Variants in DBF4B observed in about 807,000 individuals in gnomAD.
DBF4B encodes the protein protein DBF4 homolog B.
DBF4B carries 49 observed loss-of-function variants against 53.4 expected under a neutral mutation model. The observed-to-expected ratio is 0.92, with a 90% CI of 0.73 to 1.16. DBF4B has a LOEUF of 1.16. DBF4B is among the 50% of genes most tolerant of loss of function. The pLI is 0.00. For missense variants in DBF4B, 692 were observed against 775.0 expected, an observed-to-expected ratio of 0.89 and a Z score of 1.27; for synonymous variants, 257 against 288.7, an observed-to-expected ratio of 0.89 and a Z score of 1.11.
At chr17:44,734,746 C>T (rs373345399) in intron 7 of DBF4B, among the ~76,000 whole-genome samples, 6 of 152,204 alleles carry the variant, frequency 3.9e-5, no homozygotes, top group Non-Finnish European at 5.9e-5. Context: ...AGGCACAGGA[C>T]GAACAGTAAT....
chr17:44,740,857 C>A (rs754691527), intron 9 of DBF4B, among the ~76,000 whole-genome samples: 1 of 152,066 alleles, frequency 6.6e-6, no homozygotes, highest in Non-Finnish European at 1.5e-5. Context: ...AGGGAGGGGC[C>A]GGGCGTGGTG....
chr17:44,708,900 G>A, intron 1 of DBF4B, 61 bp downstream of exon 1: 1 of 1,544,176 alleles, frequency 6.5e-7, no homozygotes, highest in Non-Finnish European at 8.7e-7. Context: ...CTGAGGCGAG[G>A]TGCGGAGTCG....
At chr17:44,725,116 C>CAAAA (rs57821218) in intron 3 of DBF4B, among the ~76,000 whole-genome samples, 19 of 47,562 alleles carry the variant, frequency 4.0e-4, no homozygotes, top group East Asian at 4.0e-3. Flanking sequence ...GACTCCATCT[C>CAAAA]AAAAAAAAAA....
chr17:44,738,352 CTGAT>C, intron 8 of DBF4B, 23 bp from the exon 9 acceptor site: 1 of 1,610,588 alleles, frequency 6.2e-7, no homozygotes, highest in Non-Finnish European at 8.5e-7. Context: ...AGACAGATAG[CTGAT>C]GTGTGCATTC....
At chr17:44,724,163 C>T (rs143761088) in intron 3 of DBF4B, among the ~76,000 whole-genome samples, 1 of 152,006 alleles carries the variant, frequency 6.6e-6, no homozygotes, top group Non-Finnish European at 1.5e-5. Flanking sequence ...TTTGGGAGGC[C>T]GAGCCAGGTG....
At chr17:44,748,922 T>C (rs1293974549) in intron 13 of DBF4B, 1 of 1,289,818 alleles carries the variant, frequency 7.8e-7, no homozygotes, top group Admixed American at 2.3e-5. Context: ...CCAGACCCCT[T>C]CCCCTGGCAG....
chr17:44,736,785 C>A (rs1407488992), intron 7 of DBF4B, 45 bp from the exon 8 acceptor site: 1 of 1,612,232 alleles, frequency 6.2e-7, no homozygotes, highest in African/African-American at 1.3e-5. Flanking sequence ...TCCTTGACCC[C>A]CGTGGCTTCC....
chr17:44,732,663 CGAGACCAGCCT>C (rs1974945652), intron 6 of DBF4B: 1 of 167,008 alleles, frequency 6.0e-6, no homozygotes, highest in Admixed American at 6.2e-5. Context: ...GTCAAGAGTT[CGAGACCAGCCT>C]GACCAACGTG....
intron 3 of DBF4B, among the ~76,000 whole-genome samples, chr17:44,725,220 T>A (rs1974206083): frequency 6.6e-6 from 1 of 151,508 alleles, no homozygotes; most frequent in South Asian, 2.1e-4. Flanking sequence ...AGCTCAGGAG[T>A]TTGAGGCTAT....
chr17:44,746,231 C>CAAA (rs11322604), intron 10 of DBF4B, among the ~76,000 whole-genome samples: 1 of 87,742 alleles, frequency 1.1e-5, no homozygotes, highest in Admixed American at 1.2e-4. Context: ...TACTCCATCT[C>CAAA]AAAAAAAAAA....
intron 2 of DBF4B, among the ~76,000 whole-genome samples, chr17:44,721,650 T>A (rs1296968398): frequency 6.6e-6 from 1 of 152,106 alleles, no homozygotes; most frequent in Admixed American, 6.6e-5. Flanking sequence ...AGATAGACAA[T>A]CTATACCAGA....
chr17:44,716,125 A>C (rs1222782129), intron 2 of DBF4B, among the ~76,000 whole-genome samples: 1 of 151,976 alleles, frequency 6.6e-6, no homozygotes, highest in East Asian at 1.9e-4. Context: ...CACCCAGTCT[A>C]GCCTAATTTC....
At position 44,751,365 on chromosome 17, in the gene DBF4B, T is replaced by G; in HGVS notation, c.*112T>G. The G allele has an allele frequency of 6.9e-7, 1 of 1,454,232 alleles. No homozygotes were observed. Among genetic ancestry groups the G allele is most frequent in the Non-Finnish European group, 9.0e-7 (1 of 1,108,300 alleles). 90.1% of individuals were successfully genotyped at this position (1,454,232 alleles called of 1,614,324 possible). A position where few individuals can be genotyped will look rare whatever the true frequency, so the allele number is the denominator to read the frequency against. On this transcript the variant is annotated 3_prime_UTR_variant, in exon 14 of 14. Transcript: ENST00000315005. Reference sequence around the variant, plus strand: ...GAGCACTGCTCAGACTCCTTTCCACTCCAGCCCCCTTTCCACATCGCACCA... The same window carrying G: ...GAGCACTGCTCAGACTCCTTTCCACGCCAGCCCCCTTTCCACATCGCACCA...
At chr17:44,747,588 C>T in intron 12 of DBF4B, 73 bp downstream of exon 12, 1 of 1,573,884 alleles carries the variant, frequency 6.4e-7, no homozygotes, top group Non-Finnish European at 8.6e-7. Context: ...AAGAGACCCT[C>T]AGGTTGGTGG....
At position 44,750,908 on chromosome 17, in the gene DBF4B, G is replaced by A. The variant is rs1567681329; in HGVS notation, c.1503G>A (p.Pro501=). 2.5e-6 allele frequency: 4 copies of A among 1,614,170 alleles called. No homozygotes were observed. Among genetic ancestry groups the A allele is most frequent in the Non-Finnish European group, 2.5e-6 (3 of 1,180,028 alleles). ...KGPLLFPEAR[P]WLMSARCWVR... ...CACTCCTCTTCCCTGAAGCCAGACC[G>A]TGGCTTATGTCTGCACGCTGCTGGG... The change falls in exon 14 of 14, where the codon CCG becomes CCA. Residue 501 remains proline, a synonymous_variant. Coordinates refer to ENST00000315005, the MANE Select transcript of DBF4B (RefSeq NM_145663.3).
chr17:44,730,539 G>C (rs932509094), intron 4 of DBF4B, among the ~76,000 whole-genome samples: 1 of 152,118 alleles, frequency 6.6e-6, no homozygotes, highest in African/African-American at 2.4e-5. Flanking sequence ...TTCTTATTTT[G>C]TCTAACATAT....
intron 13 of DBF4B, chr17:44,750,187 C>G (rs375323023): frequency 2.6e-5 from 26 of 1,001,102 alleles, no homozygotes; most frequent in Middle Eastern, 5.0e-4. Context: ...GACCTCCCCC[C>G]ATTTCTGGCA....
chr17:44,708,722 A>G lies in DBF4B; in HGVS notation c.-99A>G, dbSNP rs2144723336. 1.4e-6 allele frequency: 2 copies of G among 1,443,498 alleles called. No homozygotes were observed. The highest frequency in any genetic ancestry group is 1.9e-6 in the Non-Finnish European group (2 of 1,066,232). The allele number at this position is 1,443,498 out of a possible 1,614,324, so 89.4% of individuals were successfully genotyped here. A position where few individuals can be genotyped will look rare whatever the true frequency, so the allele number is the denominator to read the frequency against. ...TTGATGCTGTAGCTGCCCTGAGATA[A>G]CCAGGACTGTGGAATCGGGAAGAGC... On this transcript the variant is annotated 5_prime_UTR_variant, in exon 1 of 14. Transcript: ENST00000315005.
Position 44,732,127 on chromosome 17 carries a change from T to G in DBF4B, c.469-51T>G, listed in dbSNP as rs774970444. ...CAATTTCTATCTGTCCCCTTCACTT[T>G]CAGGCCTTGGGGAGTCTCTGCTCCT... On this transcript the variant is annotated intron_variant, in intron 5 of 13. Coordinates refer to ENST00000315005, the MANE Select transcript of DBF4B (RefSeq NM_145663.3). The G allele has an allele frequency of 1.9e-6, 3 of 1,590,774 alleles. No individual in the cohort carries two copies. In the South Asian group the frequency reaches 3.4e-5, roughly 18 times the overall value.
Sources: gnomAD v4.1 joint callset for allele counts (sites outside exome capture counted in the v4.1 genomes callset) on GRCh38, gnomAD v4.1.1 for gene constraint, MANE v1.5 for transcripts, NCBI Gene and HGNC (gene_info 2026-07-23, HGNC 2026-07-21) for gene names.